The following TBC1D5 variants were observed in gnomAD, a reference collection of about 807,000 sequenced individuals.
TBC1D5 encodes TBC1 domain family, member 5.
TBC1D5 carries 75 observed loss-of-function variants against 100.3 expected under a neutral mutation model. The ratio of observed to expected loss-of-function variants is 0.75; its 90% CI spans 0.62 to 0.91. The LOEUF is 0.91. Among genes scored for constraint, TBC1D5 ranks in the 40% least tolerant of loss-of-function variants. TBC1D5 has a pLI of 0.00. For synonymous variants in TBC1D5, 323 were observed against 325.6 expected, an observed-to-expected ratio of 0.99 and a Z score of 0.09; for missense variants, 910 against 942.4, an observed-to-expected ratio of 0.97 and a Z score of 0.45.
intron 2 of TBC1D5, among the ~76,000 whole-genome samples, chr3:17,601,357 C>A (rs1416023800): frequency 6.6e-6 from 1 of 152,002 alleles, no homozygotes; most frequent in Non-Finnish European, 1.5e-5. Context: ...CTAAAAAATA[C>A]AAAATTAGCC....
chr3:17,166,197 A>G (rs907282960), intron 21 of TBC1D5, among the ~76,000 whole-genome samples: 2 of 150,256 alleles, frequency 1.3e-5, no homozygotes, highest in African/African-American at 2.4e-5. Flanking sequence ...AGATACAAAG[A>G]AAAAAAAAAG....
At chr3:17,455,267 T>C (rs1401352994) in intron 3 of TBC1D5, among the ~76,000 whole-genome samples, 1 of 147,160 alleles carries the variant, frequency 6.8e-6, no homozygotes, top group Non-Finnish European at 1.5e-5. Flanking sequence ...TATACATATA[T>C]ACATATATGT....
chr3:17,439,037 A>T (rs2094588289), intron 3 of TBC1D5, among the ~76,000 whole-genome samples: 1 of 152,112 alleles, frequency 6.6e-6, no homozygotes, highest in Non-Finnish European at 1.5e-5. Context: ...GAATATTTAT[A>T]TTTATCAAAA....
intron 19 of TBC1D5, among the ~76,000 whole-genome samples, chr3:17,181,700 A>G (rs1432704949): frequency 6.6e-6 from 1 of 152,184 alleles, no homozygotes; most frequent in African/African-American, 2.4e-5. Context: ...GAAGCCATCC[A>G]CAGATTTTCA....
At chr3:17,274,942 TAAAC>T (rs2079824670) in intron 15 of TBC1D5, among the ~76,000 whole-genome samples, 1 of 152,124 alleles carries the variant, frequency 6.6e-6, no homozygotes. Context: ...ACATTTTCAG[TAAAC>T]ACTACTGAAG....
intron 13 of TBC1D5, among the ~76,000 whole-genome samples, chr3:17,351,929 G>A (rs1169061105): frequency 1.1e-4 from 15 of 140,252 alleles, no homozygotes; most frequent in African/African-American, 2.8e-4. Context: ...TTCTGAATCC[G>A]TTTTTTTTTC....
chr3:17,268,219 T>C (rs2079034556), intron 15 of TBC1D5, among the ~76,000 whole-genome samples: 1 of 152,102 alleles, frequency 6.6e-6, no homozygotes, highest in African/African-American at 2.4e-5. Context: ...AAATAGCAGA[T>C]AGTGTTGTAA....
At chr3:17,281,299 A>G (rs2149903429) in intron 15 of TBC1D5, among the ~76,000 whole-genome samples, 1 of 152,350 alleles carries the variant, frequency 6.6e-6, no homozygotes, top group African/African-American at 2.4e-5. Flanking sequence ...GGGGAATCAA[A>G]CTACAAAGTT....
At chr3:17,266,436 A>G (rs1384441986) in intron 15 of TBC1D5, among the ~76,000 whole-genome samples, 1 of 152,042 alleles carries the variant, frequency 6.6e-6, no homozygotes, top group Non-Finnish European at 1.5e-5. Context: ...TTCTTCTTAT[A>G]TTACTTGTGA....
intron 2 of TBC1D5, among the ~76,000 whole-genome samples, chr3:17,592,028 T>G (rs2060262221): frequency 6.6e-6 from 1 of 152,244 alleles, no homozygotes; most frequent in Admixed American, 6.5e-5. Flanking sequence ...AGATGTGGTT[T>G]CATTGCTTGA....
chr3:17,391,055 C>T lies in TBC1D5; in HGVS notation c.510-7040G>A, dbSNP rs551580952. 7.2e-5 allele frequency among the ~76,000 whole-genome samples: 11 copies of T among 152,188 alleles called. No individual in the cohort carries two copies. The South Asian group carries it at 8.3e-4, about 11-fold the overall frequency. On this transcript the variant is annotated intron_variant, in intron 8 of 21. Coordinates refer to ENST00000253692, the Ensembl canonical transcript of TBC1D5. ...TACACTCCCCTAACTTCCCCACCGG[C>T]AGGCCTCTGTACACATTTCCCCGTC...
At chr3:17,562,777 G>A (rs1392269192) in intron 2 of TBC1D5, among the ~76,000 whole-genome samples, 1 of 152,130 alleles carries the variant, frequency 6.6e-6, no homozygotes, top group African/African-American at 2.4e-5. Context: ...GCTCATTATT[G>A]GGGATATATA....
At chr3:17,586,405 T>C (rs1350907219) in intron 2 of TBC1D5, 1 of 152,146 alleles carries the variant, frequency 6.6e-6, no homozygotes, top group Admixed American at 6.6e-5. Flanking sequence ...TGAAAATGCA[T>C]GTTCTTGTTA....
intron 17 of TBC1D5, among the ~76,000 whole-genome samples, chr3:17,216,890 C>G (rs1184361440): frequency 6.6e-6 from 1 of 152,108 alleles, no homozygotes; most frequent in African/African-American, 2.4e-5. Context: ...TAATTCATGT[C>G]ATAACTTTCA....
intron 13 of TBC1D5, among the ~76,000 whole-genome samples, chr3:17,326,173 T>C (rs927844702): frequency 5.9e-5 from 9 of 152,200 alleles, no homozygotes; most frequent in African/African-American, 2.2e-4. Flanking sequence ...TTTGTTCTCA[T>C]ATTCAAAATA....
chr3:17,658,623 G>A (rs1178132991), intron 1 of TBC1D5, among the ~76,000 whole-genome samples: 1 of 152,188 alleles, frequency 6.6e-6, no homozygotes, highest in Non-Finnish European at 1.5e-5. Flanking sequence ...CCAGTAGGGT[G>A]TTTACAACCT....
chr3:17,351,526 C>G (rs1018385073), intron 13 of TBC1D5, among the ~76,000 whole-genome samples: 5 of 151,950 alleles, frequency 3.3e-5, no homozygotes, highest in African/African-American at 1.2e-4. Flanking sequence ...GGGAGTTGAA[C>G]AATGAGAATA....
intron 13 of TBC1D5, among the ~76,000 whole-genome samples, chr3:17,355,627 T>C (rs551286745): frequency 3.4e-5 from 5 of 148,844 alleles, no homozygotes; most frequent in Non-Finnish European, 7.5e-5. Flanking sequence ...ATATATAGAA[T>C]GTGTGACAAG....
intron 2 of TBC1D5, among the ~76,000 whole-genome samples, chr3:17,599,127 G>C (rs2060764850): frequency 6.6e-6 from 1 of 152,206 alleles, no homozygotes; most frequent in African/African-American, 2.4e-5. Context: ...CCATGAAAGT[G>C]ATACAGACAG....
Sources: gnomAD v4.1 joint callset for allele counts (sites outside exome capture counted in the v4.1 genomes callset) on GRCh38, gnomAD v4.1.1 for gene constraint, MANE v1.5 for transcripts, NCBI Gene and HGNC (gene_info 2026-07-23, HGNC 2026-07-21) for gene names.